Variants in ATP10B observed in about 807,000 individuals in gnomAD.
The protein encoded by ATP10B is phospholipid-transporting ATPase VB.
In ATP10B, 122 loss-of-function variants were observed where a neutral mutation model predicts 141.2. The ratio of observed to expected loss-of-function variants is 0.86; its 90% confidence interval spans 0.75 to 1.00. The LOEUF is 1.00. ATP10B is among the 50% of genes least tolerant of loss of function. The pLI is 0.00. For missense variants in ATP10B, 1,876 were observed against 1,825.3 expected, an observed-to-expected ratio of 1.03 and a Z score of -0.51; for synonymous variants, 685 against 692.0, an observed-to-expected ratio of 0.99 and a Z score of 0.16.
chr5:160,678,950 T>A (rs755979292), intron 6 of ATP10B, among the ~76,000 whole-genome samples: 3 of 152,264 alleles, frequency 2.0e-5, no homozygotes, highest in Non-Finnish European at 4.4e-5. Flanking sequence ...AGTTTATTTC[T>A]ATAGCTTCAT....
the ATP10B span, among the ~76,000 whole-genome samples, chr5:160,858,253 GTTTAC>G: frequency 6.6e-6 from 1 of 151,882 alleles, no homozygotes; most frequent in East Asian, 1.9e-4. Flanking sequence ...TTGTTCTGAA[GTTTAC>G]TTTGTCTGAT....
chr5:160,832,009 C>G (rs182009951), intron 1 of ATP10B, among the ~76,000 whole-genome samples: 1 of 152,198 alleles, frequency 6.6e-6, no homozygotes. Context: ...GAGCTGTGTT[C>G]CACAAAAGCC....
chr5:160,883,809 TTTACA>T, the ATP10B span, among the ~76,000 whole-genome samples: 46 of 152,270 alleles, frequency 3.0e-4, no homozygotes, highest in African/African-American at 9.9e-4. Context: ...TTCCGTGGAC[TTTACA>T]TTAAGTTATT....
intron 22 of ATP10B, among the ~76,000 whole-genome samples, chr5:160,594,781 A>G (rs1433834059): frequency 6.6e-6 from 1 of 152,060 alleles, no homozygotes; most frequent in African/African-American, 2.4e-5. Context: ...AAAGATCAAA[A>G]GAGACAAAGA....
At chr5:160,595,461 C>T (rs1397694545) in intron 22 of ATP10B, among the ~76,000 whole-genome samples, 2 of 151,956 alleles carry the variant, frequency 1.3e-5, no homozygotes, top group African/African-American at 4.8e-5. Flanking sequence ...AATTGACACC[C>T]TAACATCACA....
intron 2 of ATP10B, among the ~76,000 whole-genome samples, chr5:160,733,497 G>T (rs112438046): frequency 5.9e-5 from 9 of 151,968 alleles, no homozygotes. Flanking sequence ...ATAGCCATAG[G>T]CACATAGATG....
In ATP10B at chr5:160,731,662, T is replaced by G. The variant is rs534435848; in HGVS notation, c.-330-14628A>C. 5.9e-5 allele frequency among the ~76,000 whole-genome samples: 9 copies of G among 152,266 alleles called. No homozygotes were observed. The South Asian group carries it at 1.9e-3, about 32-fold the overall frequency. On this transcript the variant is annotated intron_variant, in intron 2 of 25. Coordinates refer to ENST00000327245, the MANE Select transcript of ATP10B (RefSeq NM_025153.3). ...GTACTGGTGGAAAAATGTCTGTCTTTATGATATGAATAACTAGGGAACTAA... is the reference window on the plus strand; with the variant it reads ...GTACTGGTGGAAAAATGTCTGTCTTGATGATATGAATAACTAGGGAACTAA...
intron 15 of ATP10B, 59 bp from the exon 16 acceptor site, chr5:160,618,032 C>T: frequency 3.0e-6 from 4 of 1,317,564 alleles, no homozygotes; most frequent in Non-Finnish European, 3.3e-6. Context: ...GATCCCCATC[C>T]CCAATACCCT....
intron 24 of ATP10B, among the ~76,000 whole-genome samples, chr5:160,586,003 C>T (rs1165424147): frequency 1.3e-5 from 2 of 152,166 alleles, no homozygotes; most frequent in Non-Finnish European, 2.9e-5. Context: ...GATACATGTA[C>T]AGAACGTGCA....
the ATP10B span, among the ~76,000 whole-genome samples, chr5:160,860,599 G>C: frequency 6.6e-5 from 10 of 151,842 alleles, no homozygotes; most frequent in African/African-American, 2.2e-4. Flanking sequence ...TGTTGAAGGG[G>C]GCATGAACAG....
intron 2 of ATP10B, 88 bp downstream of exon 2, chr5:160,785,471 C>CAT (rs151180881): frequency 0.14 from 51,316 of 364,930 alleles, 4,285 homozygotes; most frequent in Non-Finnish European, 0.16. Context: ...TCAGAGGGTA[C>CAT]ATGTGCAAGT....
At chr5:160,776,640 C>T (rs533473879) in intron 2 of ATP10B, among the ~76,000 whole-genome samples, 1 of 152,352 alleles carries the variant, frequency 6.6e-6, no homozygotes, top group East Asian at 1.9e-4. Context: ...ATGCCTCATA[C>T]AGACTCTGGG....
intron 2 of ATP10B, among the ~76,000 whole-genome samples, chr5:160,760,918 G>A (rs1768983583): frequency 1.3e-5 from 2 of 151,968 alleles, no homozygotes; most frequent in African/African-American, 4.8e-5. Context: ...CGAAACTGAT[G>A]GTTTTTCTCT....
intron 2 of ATP10B, among the ~76,000 whole-genome samples, chr5:160,752,293 T>C (rs758430111): frequency 1.1e-4 from 17 of 151,778 alleles, no homozygotes; most frequent in Non-Finnish European, 5.9e-5. Flanking sequence ...GAGGTGAGCA[T>C]AGTGGATTAC....
rs10642787 is a variant in ATP10B, at chr5:160,775,676, ATTT to A, written c.-331+9880_-331+9882del. ...TCATTCTGCTTTCTGCAAGTTTCAG[ATTT>A]TTTTTTTTTTTTTTTTTTTGAGATG... On this transcript the variant is annotated intron_variant, in intron 2 of 25. Transcript: ENST00000327245. 3.3e-4 allele frequency among the ~76,000 whole-genome samples: 38 copies of A among 116,804 alleles called. 1 individual carries two copies. In the South Asian group the frequency reaches 4.9e-3, roughly 15 times the overall value. The allele number at this position is 116,804 out of a possible 152,430, so 76.6% of individuals were successfully genotyped here.
intron 22 of ATP10B, among the ~76,000 whole-genome samples, chr5:160,593,861 C>G (rs971676456): frequency 6.6e-5 from 10 of 152,106 alleles, no homozygotes; most frequent in African/African-American, 2.4e-4. Flanking sequence ...ACAAACAAAG[C>G]CTCCAAGAAA....
intron 2 of ATP10B, among the ~76,000 whole-genome samples, chr5:160,759,997 C>T (rs1768912170): frequency 6.6e-6 from 1 of 152,198 alleles, no homozygotes; most frequent in Non-Finnish European, 1.5e-5. Flanking sequence ...GCCATGCTTA[C>T]AGGGTCTTGG....
chr5:160,797,176 G>C (rs534099763), intron 1 of ATP10B, among the ~76,000 whole-genome samples: 1 of 152,122 alleles, frequency 6.6e-6, no homozygotes, highest in African/African-American at 2.4e-5. Context: ...CATCTTCCCT[G>C]ATTGCCTTGC....
At chr5:160,793,901 G>A (rs1197782371) in intron 1 of ATP10B, among the ~76,000 whole-genome samples, 2 of 152,092 alleles carry the variant, frequency 1.3e-5, no homozygotes, top group African/African-American at 4.8e-5. Context: ...TTCAATAGAG[G>A]AACATGCTGT....
Sources: allele counts gnomAD v4.1 joint callset (sites outside exome capture counted in the v4.1 genomes callset), GRCh38; gene constraint gnomAD v4.1.1; transcripts MANE v1.5; gene names NCBI Gene and HGNC (gene_info 2026-07-23, HGNC 2026-07-21).